MROH2A: variants seen among roughly 807,000 people sequenced by gnomAD.
MROH2A encodes maestro heat like repeat family member 2A.
In MROH2A, 174 loss-of-function variants were observed where a neutral mutation model predicts 200.4. The ratio of observed to expected loss-of-function variants is 0.87; its 90% CI spans 0.77 to 0.98. The LOEUF (loss-of-function observed/expected upper bound fraction) is 0.98. MROH2A is among the 50% of genes least tolerant of loss of function. The probability of loss-of-function intolerance (pLI) is 0.00; values close to 1 mark genes in which losing one functional copy is unlikely to be tolerated. For missense variants in MROH2A, 2,045 were observed against 2,139.6 expected (o/e 0.96, Z 0.87); for synonymous variants, 829 against 840.4 (o/e 0.99, Z 0.23).
Position 233,829,664 on chromosome 2 carries a change from G to A in MROH2A, c.4491G>A (p.Lys1497=). 6.7e-7 allele frequency: 1 copy of A among 1,482,966 alleles called. No homozygotes were observed. Among genetic ancestry groups the A allele is most frequent in the Non-Finnish European group, 9.0e-7 (1 of 1,114,806 alleles). 91.9% of individuals were successfully genotyped at this position (1,482,966 alleles called of 1,614,324 possible). A position where few individuals can be genotyped will look rare whatever the true frequency, so the allele number is the denominator to read the frequency against. ...LRLKAFILFG[K]LARVVGMSKK... ...TGAAAGCCTTCATCCTCTTTGGAAA[G>A]CTGGCAAGGGTGGTCGGGATGTCCA... Residue 1497 remains lysine, a synonymous_variant, in exon 38 of 42, where the codon AAG becomes AAA. Transcript: ENST00000389758.
chr2:233,817,981 C>G (rs1257824359), intron 27 of MROH2A, 21 bp from the exon 28 acceptor site: 38 of 1,550,450 alleles, frequency 2.5e-5, no homozygotes, highest in Non-Finnish European at 3.1e-5. Context: ...GGTGTGAGCC[C>G]CACGGTCTCC....
At chr2:233,788,589 T>C (rs1326285163) in intron 3 of MROH2A, among the ~76,000 whole-genome samples, 1 of 152,126 alleles carries the variant, frequency 6.6e-6, no homozygotes, top group Non-Finnish European at 1.5e-5. Context: ...GGACATTTTT[T>C]CCTGAGGGCT....
intron 34 of MROH2A, among the ~76,000 whole-genome samples, 161 bp from the exon 35 acceptor site, chr2:233,823,395 T>G (rs1704085082): frequency 6.6e-6 from 1 of 152,100 alleles, no homozygotes. Flanking sequence ...CTCAACCAAG[T>G]CCCCAGGAAG....
chr2:233,797,681 T>A (rs1415177603), intron 11 of MROH2A, among the ~76,000 whole-genome samples: 1 of 152,174 alleles, frequency 6.6e-6, no homozygotes, highest in African/African-American at 2.4e-5. Context: ...ACATATGCTA[T>A]TTTTTCTTTC....
At chr2:233,795,937 C>T in intron 9 of MROH2A, 30 bp from the exon 10 acceptor site, 1 of 1,548,154 alleles carries the variant, frequency 6.5e-7, no homozygotes, top group Non-Finnish European at 8.7e-7. Flanking sequence ...CCTGTGATCT[C>T]CTCCAGCCTC....
intron 11 of MROH2A, among the ~76,000 whole-genome samples, chr2:233,798,244 C>G (rs945974627): frequency 6.6e-6 from 1 of 152,232 alleles, no homozygotes; most frequent in Non-Finnish European, 1.5e-5. Context: ...CCAGCCCTTA[C>G]GGTGTGCCAG....
Position 233,804,510 on chromosome 2 carries a change from C to T in MROH2A, c.1907C>T (p.Thr636Ile). The change falls in exon 18 of 42, where the codon ACT becomes ATT. Residue 636 changes from threonine (T) to isoleucine (I), a missense_variant. Around this residue, in one of 3 missense-constraint regions of MROH2A, gnomAD observed 13 missense variants for 28.3 expected, o/e 0.46. Transcript: ENST00000389758. The stretch of plus-strand genomic sequence containing the variant: ...GTTCCTGCAGAACATACTGAGTTCA[C>T]TTGGGATCAGAAAGCCTGGGAAGAC... ...VRYLEEHTEF[T>I]WDQKAWEDKL... 1 of 1,551,262 alleles carries T rather than the reference C, an allele frequency of 6.4e-7. No individual in the cohort carries two copies. Among genetic ancestry groups the T allele is most frequent in the Non-Finnish European group, 8.7e-7 (1 of 1,147,146 alleles).
At chr2:233,816,906 C>A (rs181648111) in intron 27 of MROH2A, 21 bp downstream of exon 27, 2 of 1,405,540 alleles carry the variant, frequency 1.4e-6, no homozygotes, top group South Asian at 1.2e-5. Context: ...GAGTCCCCAG[C>A]CCCCAGCCTG....
intron 11 of MROH2A, among the ~76,000 whole-genome samples, chr2:233,797,651 T>A (rs1702203167): frequency 6.6e-6 from 1 of 152,236 alleles, no homozygotes; most frequent in Non-Finnish European, 1.5e-5. Context: ...TGGTTATTTT[T>A]TATTTTAATT....
In MROH2A at chr2:233,779,353, G is replaced by A; in HGVS notation, c.-6G>A. On this transcript the variant is annotated 5_prime_UTR_variant, in exon 2 of 42. Transcript: ENST00000389758. ...TCTGTTGATCTCAAAAGAGCTTGAGGAAGAGATGACTGAAGCCATTACAGA... is the reference window on the plus strand; with the variant it reads ...TCTGTTGATCTCAAAAGAGCTTGAGAAAGAGATGACTGAAGCCATTACAGA... 1.3e-6 allele frequency: 2 copies of A among 1,544,148 alleles called. No individual in the cohort carries two copies. Among genetic ancestry groups the A allele is most frequent in the Non-Finnish European group, 1.8e-6 (2 of 1,141,106 alleles).
chr2:233,822,138 T>C lies in MROH2A; in HGVS notation c.3527T>C (p.Val1176Ala), dbSNP rs1367510364. Residue 1176 changes from valine to alanine, a missense_variant, in exon 32 of 42, where the codon GTG (valine) becomes GCG (alanine). This residue lies in a region of MROH2A where 1,201 missense variants were observed against 1,311.3 expected (regional missense o/e 0.92). Transcript: ENST00000389758. Reference protein sequence around the residue: ...PLPMESHLAEVWLAVSENVPF... With the variant: ...PLPMESHLAEAWLAVSENVPF... ...ACTTTGGTTAGCCACCTGGCAGAGG[T>C]GTGGCTGGCAGTGTCGGAGAACGTG... The C allele has an allele frequency of 4.3e-5, 66 of 1,549,322 alleles. No individual in the cohort carries two copies. In the Admixed American group the frequency reaches 1.3e-3, roughly 30 times the overall value.
chr2:233,826,717 C>T (rs1019328274), intron 35 of MROH2A, among the ~76,000 whole-genome samples: 2 of 152,134 alleles, frequency 1.3e-5, no homozygotes, highest in Non-Finnish European at 2.9e-5. Context: ...CAAAAATTGA[C>T]AATTGGGATC....
chr2:233,822,366 C>T lies in MROH2A; in HGVS notation c.3676C>T (p.Leu1226=). 1 of 1,550,914 alleles carries T rather than the reference C, an allele frequency of 6.4e-7. No homozygotes were observed. Among genetic ancestry groups the T allele is most frequent in the Non-Finnish European group, 8.7e-7 (1 of 1,147,032 alleles). ...RLAAVDPLMT[L]CTIHLLIQKL... ...GCCCTGGACCTTCTCTCTGCAGACC[C>T]TGTGCACCATCCACCTTCTCATTCA... The change falls in exon 33 of 42, where the codon CTG becomes TTG. Residue 1226 remains leucine, a synonymous_variant. Transcript: ENST00000389758.
Position 233,802,329 on chromosome 2 carries a change from C to T in MROH2A, c.1708+14C>T, listed in dbSNP as rs1702525729. ...AGAGCAGGCAAGGTGGGCAAAGTTCCTGTCCAGCTGATTGGATTGGGCAGG... is the reference window on the plus strand; with the variant it reads ...AGAGCAGGCAAGGTGGGCAAAGTTCTTGTCCAGCTGATTGGATTGGGCAGG... On this transcript the variant is annotated intron_variant, in intron 15 of 41. Coordinates refer to ENST00000389758, the MANE Select transcript of MROH2A (RefSeq NM_001394639.1). 2 of 1,545,062 alleles carry T rather than the reference C, an allele frequency of 1.3e-6. No individual in the cohort carries two copies. Among genetic ancestry groups the T allele is most frequent in the East Asian group, 2.4e-5 (1 of 40,864 alleles).
chr2:233,822,631 G>A, intron 33 of MROH2A, 75 bp downstream of exon 33: 1 of 1,434,936 alleles, frequency 7.0e-7, no homozygotes, highest in Non-Finnish European at 9.4e-7. Flanking sequence ...TTAGTTGCCA[G>A]TGGACTCCAG....
chr2:233,789,684 C>G, intron 4 of MROH2A, 56 bp downstream of exon 4: 3 of 1,437,698 alleles, frequency 2.1e-6, no homozygotes, highest in Admixed American at 2.8e-5. Flanking sequence ...AGCTGGGCCA[C>G]GGGGGGCCTG....
chr2:233,830,016 G>A (rs1490059933), intron 38 of MROH2A, among the ~76,000 whole-genome samples: 2 of 151,964 alleles, frequency 1.3e-5, no homozygotes, highest in African/African-American at 2.4e-5. Context: ...GCCCCGTGTC[G>A]GGGGACATGG....
intron 41 of MROH2A, among the ~76,000 whole-genome samples, chr2:233,832,894 C>G (rs1173828359): frequency 1.3e-5 from 2 of 152,188 alleles, no homozygotes; most frequent in East Asian, 3.8e-4. Context: ...TGCTTTTGGC[C>G]TGATGCTGCT....
intron 35 of MROH2A, among the ~76,000 whole-genome samples, chr2:233,826,095 T>C (rs1704290112): frequency 6.6e-6 from 1 of 152,086 alleles, no homozygotes; most frequent in Admixed American, 6.6e-5. Context: ...CAGCTAATTT[T>C]TGTATTTTTA....
Sources: allele counts gnomAD v4.1 joint callset (sites outside exome capture counted in the v4.1 genomes callset), GRCh38; gene constraint gnomAD v4.1.1; regional missense constraint gnomAD v4.1.1; transcripts MANE v1.5; gene names NCBI Gene and HGNC (gene_info 2026-07-23, HGNC 2026-07-21).